LIFR: variants seen among roughly 807,000 people sequenced by gnomAD.
LIFR encodes LIF receptor subunit alpha.
Under a neutral mutation model 122.2 loss-of-function variants are expected in LIFR, and 84 were observed. The observed-to-expected ratio is 0.69, with a 90% confidence interval of 0.58 to 0.82. The LOEUF (loss-of-function observed/expected upper bound fraction) is 0.82. LIFR is among the 40% of genes least tolerant of loss of function. The pLI is 0.00. For missense variants in LIFR, 1,294 were observed against 1,311.6 expected, an observed-to-expected ratio of 0.99 and a Z score of 0.21; for synonymous variants, 422 against 434.7, an observed-to-expected ratio of 0.97 and a Z score of 0.36.
At chr5:38,601,931 T>A (rs973363162) in intron 2 of LIFR, among the ~76,000 whole-genome samples, 1 of 152,226 alleles carries the variant, frequency 6.6e-6, no homozygotes, top group African/African-American at 2.4e-5. Context: ...CACTGCTGGA[T>A]AATAACACCA....
chr5:38,573,139 T>C (rs1363420415), intron 1 of LIFR, among the ~76,000 whole-genome samples: 2 of 152,352 alleles, frequency 1.3e-5, no homozygotes, highest in Middle Eastern at 6.8e-3. Flanking sequence ...ACAATACCAA[T>C]TTACTAATTT....
Position 38,518,232 on chromosome 5 carries a change from T to A in LIFR, c.561+5187A>T, listed in dbSNP as rs145164285. Among the ~76,000 whole-genome samples, 319 of 152,126 alleles carry A rather than the reference T, an allele frequency of 2.1e-3. 2 individuals are homozygous for A. Among genetic ancestry groups the A allele is most frequent in the African/African-American group, 7.5e-3 (313 of 41,494 alleles). ...GACATTTTAAATTAAAATATATATA[T>A]TTCTTATAAAATATAAATTGTAGCA... On this transcript the variant is annotated intron_variant, in intron 5 of 19. Transcript: ENST00000453190.
At chr5:38,521,093 C>T (rs1746374007) in intron 5 of LIFR, among the ~76,000 whole-genome samples, 1 of 151,766 alleles carries the variant, frequency 6.6e-6, no homozygotes, top group African/African-American at 2.4e-5. Flanking sequence ...TCTTTGTGTC[C>T]TCTTCAATTT....
At chr5:38,512,367 C>G (rs1030844754) in intron 5 of LIFR, among the ~76,000 whole-genome samples, 2 of 151,894 alleles carry the variant, frequency 1.3e-5, no homozygotes, top group Non-Finnish European at 2.9e-5. Flanking sequence ...TGTAATTTAC[C>G]CAGCACTTTG....
At chr5:38,532,973 G>A (rs1747097125) in intron 1 of LIFR, among the ~76,000 whole-genome samples, 1 of 152,194 alleles carries the variant, frequency 6.6e-6, no homozygotes, top group South Asian at 2.1e-4. Context: ...ATGCAAATAT[G>A]CAGGGGCAAA....
intron 15 of LIFR, 103 bp from the exon 16 acceptor site, chr5:38,489,348 ATTAAAACT>A: frequency 1.1e-6 from 1 of 941,218 alleles, no homozygotes; most frequent in Non-Finnish European, 1.7e-6. Context: ...TCAACTTGGA[ATTAAAACT>A]TTATTTAATC....
chr5:38,502,746 G>C lies in LIFR; in HGVS notation c.1491C>G (p.Asp497Glu), dbSNP rs188129112. 6.2e-6 allele frequency: 10 copies of C among 1,610,988 alleles called. No homozygotes were observed. In the Admixed American group the frequency reaches 1.5e-4, roughly 24 times the overall value. ...TATATAGAGTGTATGGATTTAACTTGTCCAGAGCAACAAGATAACTTGAAT... is the reference window on the plus strand; with the variant it reads ...TATATAGAGTGTATGGATTTAACTTCTCCAGAGCAACAAGATAACTTGAAT... ...VENSSYLVAL[D>E]KLNPYTLYTF... The change falls in exon 11 of 20, where the codon GAC (aspartate) becomes GAG (glutamate). Residue 497 changes from aspartate (D) to glutamate (E), a missense_variant. Physicochemically the swap from Asp to Glu is conservative, Grantham distance 45. Coordinates refer to ENST00000453190, the MANE Select transcript of LIFR (RefSeq NM_001127671.2).
intron 16 of LIFR, among the ~76,000 whole-genome samples, chr5:38,487,741 G>A (rs561427776): frequency 6.6e-6 from 1 of 152,288 alleles, no homozygotes; most frequent in East Asian, 1.9e-4. Context: ...ACCATGGTAA[G>A]TGAAACAGCG....
In LIFR at chr5:38,506,512, A is replaced by G; in HGVS notation, c.1112T>C (p.Leu371Ser). ...TCCCAGTTATCATTACCTTTCAACTAAAGTGTAGCTTGTAGCACGTGGGCC... is the reference window on the plus strand; with the variant it reads ...TCCCAGTTATCATTACCTTTCAACTGAAGTGTAGCTTGTAGCACGTGGGCC... ...LVGPRATSYT[L>S]VESFSGKYVR... is the part of the protein sequence containing the mutation. Residue 371 changes from leucine to serine, a missense_variant, in exon 8 of 20, where the codon TTA becomes TCA. Physicochemically the swap from Leu to Ser is moderately radical, Grantham distance 145 (BLOSUM62 -2). Transcript: ENST00000453190. 1.9e-6 allele frequency: 3 copies of G among 1,614,074 alleles called. No individual in the cohort carries two copies. Among genetic ancestry groups the G allele is most frequent in the Non-Finnish European group, 1.7e-6 (2 of 1,179,980 alleles).
intron 2 of LIFR, among the ~76,000 whole-genome samples, chr5:38,529,265 G>A (rs1337948550): frequency 2.0e-5 from 3 of 151,534 alleles, no homozygotes; most frequent in Non-Finnish European, 4.4e-5. Context: ...CCCCACTTAA[G>A]GAAAAAACAA....
At chr5:38,552,361 T>C (rs1474411734) in intron 1 of LIFR, among the ~76,000 whole-genome samples, 3 of 152,238 alleles carry the variant, frequency 2.0e-5, no homozygotes, top group East Asian at 3.8e-4. Flanking sequence ...ATATTTAGAA[T>C]GACAGATTAG....
intron 1 of LIFR, among the ~76,000 whole-genome samples, chr5:38,587,198 A>G (rs1430784185): frequency 1.3e-5 from 2 of 151,774 alleles, no homozygotes; most frequent in Non-Finnish European, 2.9e-5. Context: ...ACACACAAAC[A>G]TCCCATGGAG....
Position 38,496,528 on chromosome 5 carries a change from T to A in LIFR, c.1739A>T (p.Glu580Val). ...AGGGATTTCAGAAAGGGACTGTGTT[T>A]CCTCATCTGATGAACACGATACATT... ...SYNVSCSSDEETQSLSEIPDP... is the reference protein window; with the variant it reads ...SYNVSCSSDEVTQSLSEIPDP... The change falls in exon 13 of 20, where the codon GAA becomes GTA. Residue 580 changes from glutamate (E) to valine (V), a missense_variant. By Grantham distance (121) the Glu-to-Val change is moderately radical. Coordinates refer to ENST00000453190, the MANE Select transcript of LIFR (RefSeq NM_001127671.2). 1 of 1,613,924 alleles carries A rather than the reference T, an allele frequency of 6.2e-7. No individual in the cohort carries two copies. The highest frequency in any genetic ancestry group is 8.5e-7 in the Non-Finnish European group (1 of 1,179,750).
chr5:38,594,678 T>C (rs1750040290), intron 1 of LIFR, among the ~76,000 whole-genome samples: 1 of 152,194 alleles, frequency 6.6e-6, no homozygotes, highest in Admixed American at 6.5e-5. Context: ...CTATTTCTCA[T>C]AAAATATTTT....
intron 1 of LIFR, among the ~76,000 whole-genome samples, chr5:38,540,182 T>C (rs528621834): frequency 1.3e-4 from 20 of 152,230 alleles, no homozygotes; most frequent in African/African-American, 4.8e-4. Context: ...TCTCAGGTCT[T>C]AGCTCTCAAA....
rs1431181175 is a variant in LIFR, at chr5:38,481,453, TTTCAG to T, written c.*137_*141del. The T allele has an allele frequency of 3.2e-6, 3 of 940,810 alleles. No homozygotes were observed. The African/African-American group carries it at 4.9e-5, about 15-fold the overall frequency. The allele number at this position is 940,810 out of a possible 1,614,324, so 58.3% of individuals were successfully genotyped here. A position where few individuals can be genotyped will look rare whatever the true frequency, so the allele number is the denominator to read the frequency against. On this transcript the variant is annotated 3_prime_UTR_variant, in exon 20 of 20. Transcript: ENST00000453190. ...GACTACATTAAAAGCACATGAACAC[TTTCAG>T]TGTAACTTAACATGTAGTGAAGTTC... is the stretch of plus-strand genomic sequence containing the variant.
intron 13 of LIFR, among the ~76,000 whole-genome samples, chr5:38,496,175 T>C (rs980889690): frequency 1.4e-4 from 21 of 152,202 alleles, no homozygotes; most frequent in African/African-American, 4.8e-4. Flanking sequence ...ACAGTAATGA[T>C]TGTATCCATC....
chr5:38,510,379 A>ACC, intron 7 of LIFR, 85 bp downstream of exon 7: 1 of 1,059,852 alleles, frequency 9.4e-7, no homozygotes, highest in Non-Finnish European at 1.4e-6. Context: ...CACTCCTCCC[A>ACC]CCCCCCCACT....
intron 5 of LIFR, among the ~76,000 whole-genome samples, chr5:38,518,843 G>A (rs1580096320): frequency 6.6e-6 from 1 of 152,174 alleles, no homozygotes; most frequent in Admixed American, 6.5e-5. Context: ...TTACTGCCCC[G>A]AAGACCTTCC....
Sources: gnomAD v4.1 joint callset for allele counts (sites outside exome capture counted in the v4.1 genomes callset) on GRCh38, gnomAD v4.1.1 for gene constraint, MANE v1.5 for transcripts, NCBI Gene and HGNC (gene_info 2026-07-23, HGNC 2026-07-21) for gene names.